FOXP1: variants seen among roughly 807,000 people sequenced by gnomAD.
The protein encoded by FOXP1 is forkhead box P1.
Under a neutral mutation model 98.2 loss-of-function variants are expected in FOXP1, and 15 were observed. The ratio of observed to expected loss-of-function variants is 0.15; its 90% CI spans 0.10 to 0.24. The LOEUF (loss-of-function observed/expected upper bound fraction) is 0.24. FOXP1 is among the 10% of genes least tolerant of loss of function. The pLI is 1.00. For missense variants in FOXP1, 633 were observed against 848.5 expected, an observed-to-expected ratio of 0.75 and a Z score of 3.15; for synonymous variants, 371 against 314.5, an observed-to-expected ratio of 1.18 and a Z score of -1.90.
At chr3:71,281,942 CAA>C (rs34561352) in intron 5 of FOXP1, among the ~76,000 whole-genome samples, 3 of 137,728 alleles carry the variant, frequency 2.2e-5, no homozygotes, top group Admixed American at 7.3e-5. Flanking sequence ...ACTAAAAATA[CAA>C]AAAAAAAAAA....
chr3:71,179,920 C>T (rs572430645), intron 6 of FOXP1, among the ~76,000 whole-genome samples: 74 of 152,224 alleles, frequency 4.9e-4, no homozygotes, highest in African/African-American at 1.6e-3. Context: ...CAATTGAAAA[C>T]ATCTGAATTG....
At position 71,235,767 on chromosome 3, in the gene FOXP1, C is replaced by T. The variant is rs190852697; in HGVS notation, c.-11-37375G>A. Among the ~76,000 whole-genome samples, 14 of 152,178 alleles carry T rather than the reference C, an allele frequency of 9.2e-5. No homozygotes were observed. In the East Asian group the frequency reaches 2.3e-3, roughly 25 times the overall value. On this transcript the variant is annotated intron_variant, in intron 5 of 20. Coordinates refer to ENST00000649528, the MANE Select transcript of FOXP1 (RefSeq NM_001349338.3). The stretch of plus-strand genomic sequence containing the variant: ...ATTTTTAGTAGAGATGGGGTTTCAC[C>T]GTGTTAGCCAGGATGGTCTCTATCT...
At chr3:71,450,851 T>G (rs2086884942) in intron 3 of FOXP1, among the ~76,000 whole-genome samples, 1 of 152,176 alleles carries the variant, frequency 6.6e-6, no homozygotes, top group Non-Finnish European at 1.5e-5. Context: ...CTGCCTACAT[T>G]TTATGTTTTG....
intron 7 of FOXP1, among the ~76,000 whole-genome samples, chr3:71,109,327 T>C (rs1188966665): frequency 6.6e-6 from 1 of 152,174 alleles, no homozygotes; most frequent in African/African-American, 2.4e-5. Context: ...CTTTTGTTTG[T>C]ATCATCAGCC....
chr3:71,517,878 T>C (rs2042697326), intron 2 of FOXP1, among the ~76,000 whole-genome samples: 1 of 152,236 alleles, frequency 6.6e-6, no homozygotes, highest in Admixed American at 6.5e-5. Context: ...AGAATGATTG[T>C]TCATCTTACC....
At chr3:71,046,920 C>G (rs1368250549) in intron 10 of FOXP1, 22 bp downstream of exon 10, 1 of 1,613,534 alleles carries the variant, frequency 6.2e-7, no homozygotes, top group South Asian at 1.1e-5. Flanking sequence ...AGAGCTATGC[C>G]TTCTGTAAAA....
rs2091208595 is a variant in FOXP1, at chr3:71,493,566, A to G, written c.-297-11T>C. The G allele has an allele frequency of 1.3e-5, 2 of 152,206 alleles. No homozygotes were observed. Among genetic ancestry groups the G allele is most frequent in the Non-Finnish European group, 2.9e-5 (2 of 68,034 alleles). The allele number at this position is 152,206 out of a possible 1,614,324, so 9.4% of individuals were successfully genotyped here. A position where few individuals can be genotyped will look rare whatever the true frequency, so the allele number is the denominator to read the frequency against. ...AAAGCTTCTGGGACACTGCAACACAAAAATATTTTTTACACATAACTAAGA... is the reference window on the plus strand; with the variant it reads ...AAAGCTTCTGGGACACTGCAACACAGAAATATTTTTTACACATAACTAAGA... On this transcript the variant is annotated splice_polypyrimidine_tract_variant and intron_variant, in intron 2 of 20. Transcript: ENST00000649528.
chr3:71,142,962 A>AAGGGCAGGGCAGGGC (rs534818407), intron 6 of FOXP1, among the ~76,000 whole-genome samples: 6 of 151,772 alleles, frequency 4.0e-5, no homozygotes, highest in African/African-American at 1.2e-4. Flanking sequence ...GCAGGAAAGA[A>AAGGGCAGGGCAGGGC]AGGGCAGGGC....
chr3:71,577,275 C>A (rs2047796107), intron 2 of FOXP1, among the ~76,000 whole-genome samples: 1 of 152,116 alleles, frequency 6.6e-6, no homozygotes, highest in Non-Finnish European at 1.5e-5. Context: ...AGCCTCGTAG[C>A]CCTAACTGTA....
At chr3:70,980,625 T>C (rs2038667859) in intron 14 of FOXP1, among the ~76,000 whole-genome samples, 1 of 152,208 alleles carries the variant, frequency 6.6e-6, no homozygotes, top group Non-Finnish European at 1.5e-5. Context: ...ATAGCAAAAA[T>C]GAACACTAAC....
chr3:71,176,187 C>A (rs2061928703), intron 6 of FOXP1, among the ~76,000 whole-genome samples: 1 of 152,214 alleles, frequency 6.6e-6, no homozygotes. Context: ...TTCCCTCATC[C>A]TGTCAGTGTG....
At chr3:70,981,610 T>C (rs560703242) in intron 14 of FOXP1, among the ~76,000 whole-genome samples, 1 of 152,328 alleles carries the variant, frequency 6.6e-6, no homozygotes, top group South Asian at 2.1e-4. Context: ...GGGGAGGCAG[T>C]AATATTTGTA....
chr3:71,094,306 G>A (rs1482808652), intron 7 of FOXP1, among the ~76,000 whole-genome samples: 1 of 134,170 alleles, frequency 7.5e-6, no homozygotes. Flanking sequence ...TTGAGACAGA[G>A]TCTCGCTCTG....
intron 2 of FOXP1, among the ~76,000 whole-genome samples, chr3:71,565,918 T>C (rs749329045): frequency 2.6e-5 from 4 of 152,130 alleles, no homozygotes; most frequent in African/African-American, 4.8e-5. Flanking sequence ...AAGGAGTACA[T>C]GAGAGAAGAG....
chr3:70,984,578 G>C (rs985079748), intron 14 of FOXP1, among the ~76,000 whole-genome samples: 1 of 152,046 alleles, frequency 6.6e-6, no homozygotes. Context: ...TACTTGTCAC[G>C]TATGTCACAT....
rs189945954 is a variant in FOXP1, at chr3:71,420,704, C to T, written c.-167-61460G>A. ...GACCTTAAGCATCTGAGTTTCTATC[C>T]TTTTTTTTCTTTTTTTTTTTGAGAC... is the stretch of plus-strand genomic sequence containing the variant. On this transcript the variant is annotated intron_variant, in intron 3 of 20. Transcript: ENST00000649528. Among the ~76,000 whole-genome samples, 1,223 of 150,916 alleles carry T rather than the reference C, an allele frequency of 8.1e-3. 21 individuals are homozygous for T. Among genetic ancestry groups the T allele is most frequent in the African/African-American group, 0.024 (997 of 40,758 alleles).
At chr3:71,109,427 GT>G (rs35600648) in intron 7 of FOXP1, among the ~76,000 whole-genome samples, 10 of 147,510 alleles carry the variant, frequency 6.8e-5, no homozygotes, top group African/African-American at 2.0e-4. Flanking sequence ...GGATTTGGGG[GT>G]TTTTTTTTTT....
intron 5 of FOXP1, among the ~76,000 whole-genome samples, chr3:71,230,935 A>C (rs927314244): frequency 6.6e-6 from 1 of 152,190 alleles, no homozygotes; most frequent in Non-Finnish European, 1.5e-5. Context: ...TTTGAGATAC[A>C]CCTACAAGTA....
chr3:71,056,081 C>G (rs145603895), intron 7 of FOXP1, among the ~76,000 whole-genome samples: 1 of 152,186 alleles, frequency 6.6e-6, no homozygotes, highest in Non-Finnish European at 1.5e-5. Context: ...GTCCATATCT[C>G]GAGTGAGGTG....
Sources: allele counts gnomAD v4.1 joint callset (sites outside exome capture counted in the v4.1 genomes callset), GRCh38; gene constraint gnomAD v4.1.1; transcripts MANE v1.5; gene names NCBI Gene and HGNC (gene_info 2026-07-23, HGNC 2026-07-21).